The following ARF4 variants were observed in gnomAD, a reference collection of about 807,000 sequenced individuals.
ARF4 encodes the protein ARF GTPase 4.
In ARF4, 5 loss-of-function variants were observed where a neutral mutation model predicts 24.3. The ratio of observed to expected loss-of-function variants is 0.21; its 90% confidence interval spans 0.11 to 0.43. ARF4 has a LOEUF of 0.43. Ranked by LOEUF, ARF4 falls within the 20% of genes least tolerant of loss-of-function variation. ARF4 has a pLI of 1.00. For synonymous variants in ARF4, 62 were observed against 73.5 expected (o/e 0.84, Z 0.80); for missense variants, 107 against 213.0 (o/e 0.50, Z 3.10).
At chr3:57,587,237 T>G (rs2070049497) in intron 1 of ARF4, among the ~76,000 whole-genome samples, 1 of 149,558 alleles carries the variant, frequency 6.7e-6, no homozygotes, top group Non-Finnish European at 1.5e-5. Context: ...GAGACTCGCT[T>G]GAACCCAGGA....
chr3:57,582,992 T>G (rs1034731687), intron 3 of ARF4, among the ~76,000 whole-genome samples: 3 of 152,182 alleles, frequency 2.0e-5, no homozygotes, highest in Non-Finnish European at 2.9e-5. Flanking sequence ...GGCTGCTACT[T>G]GAGGGCAGCT....
At chr3:57,588,799 A>T (rs968862432) in intron 1 of ARF4, among the ~76,000 whole-genome samples, 2 of 146,754 alleles carry the variant, frequency 1.4e-5, no homozygotes, top group Non-Finnish European at 3.0e-5. Context: ...ACTACAAAAA[A>T]TACAAAAATT....
chr3:57,596,880 G>A lies in ARF4; in HGVS notation c.67+194C>T. The A allele has an allele frequency of 5.0e-6, 3 of 596,248 alleles. No individual in the cohort carries two copies. In the South Asian group the frequency reaches 6.0e-5, roughly 12 times the overall value. The allele number at this position is 596,248 out of a possible 1,614,324, so 36.9% of individuals were successfully genotyped here. ...CCGAAGCCCTGTCCCTGTCTCGTCTGGCGACAGATCGGGGGCGGGGGGGAT... is the reference window on the plus strand; with the variant it reads ...CCGAAGCCCTGTCCCTGTCTCGTCTAGCGACAGATCGGGGGCGGGGGGGAT... On this transcript the variant is annotated intron_variant, in intron 1 of 5. Coordinates refer to ENST00000303436, the MANE Select transcript of ARF4 (RefSeq NM_001660.4).
chr3:57,596,281 G>A (rs2070181348), intron 1 of ARF4, among the ~76,000 whole-genome samples: 1 of 152,166 alleles, frequency 6.6e-6, no homozygotes, highest in South Asian at 2.1e-4. Context: ...TCAGTTACTT[G>A]AAAATTTATC....
At chr3:57,584,081 TAGA>T in intron 2 of ARF4, 74 bp from the exon 3 acceptor site, 1 of 1,047,884 alleles carries the variant, frequency 9.5e-7, no homozygotes, top group Non-Finnish European at 1.4e-6. Flanking sequence ...GGAATTTTCT[TAGA>T]ATAGTGTTTT....
chr3:57,596,902 G>GC, intron 1 of ARF4, 172 bp downstream of exon 1: 2 of 641,500 alleles, frequency 3.1e-6, no homozygotes. Flanking sequence ...GGGGCGGGGG[G>GC]GATCGCTCAC....
At chr3:57,586,925 A>G (rs2070044692) in intron 1 of ARF4, among the ~76,000 whole-genome samples, 2 of 152,122 alleles carry the variant, frequency 1.3e-5, no homozygotes, top group African/African-American at 4.8e-5. Flanking sequence ...ATTGAAACTG[A>G]GACGCTGATT....
At chr3:57,594,261 C>T (rs552541840) in intron 1 of ARF4, among the ~76,000 whole-genome samples, 2 of 152,186 alleles carry the variant, frequency 1.3e-5, no homozygotes, top group African/African-American at 4.8e-5. Context: ...GACGCTATTG[C>T]TTTATTTTTA....
At chr3:57,581,108 T>C (rs1353345043) in intron 3 of ARF4, among the ~76,000 whole-genome samples, 1 of 152,232 alleles carries the variant, frequency 6.6e-6, no homozygotes, top group Non-Finnish European at 1.5e-5. Context: ...TTATTTACAA[T>C]GGCAAATTAG....
chr3:57,577,705 C>T (rs1305410069), intron 3 of ARF4, among the ~76,000 whole-genome samples: 1 of 152,016 alleles, frequency 6.6e-6, no homozygotes, highest in African/African-American at 2.4e-5. Context: ...AAAATAGCCA[C>T]AAAGTAGGAA....
At chr3:57,589,474 C>T (rs564803972) in intron 1 of ARF4, among the ~76,000 whole-genome samples, 1 of 152,276 alleles carries the variant, frequency 6.6e-6, no homozygotes, top group East Asian at 1.9e-4. Context: ...AATCCCAGCA[C>T]TTTGGGAGGC....
intron 1 of ARF4, among the ~76,000 whole-genome samples, chr3:57,592,966 A>T (rs1469638633): frequency 6.6e-6 from 1 of 152,148 alleles, no homozygotes; most frequent in East Asian, 1.9e-4. Context: ...GCACTTTGGG[A>T]GGTCGAGGCA....
chr3:57,579,253 C>CAA lies in ARF4; in HGVS notation c.259-1868_259-1867dup, dbSNP rs764058520. ...TGGGCGACAAGAGCAAACTACATCT[C>CAA]AAAAAAAAAAAAAAAAAAAAGGAAC... On this transcript the variant is annotated intron_variant, in intron 3 of 5. Coordinates refer to ENST00000303436, the MANE Select transcript of ARF4 (RefSeq NM_001660.4). 1.1e-4 allele frequency among the ~76,000 whole-genome samples: 5 copies of CAA among 47,600 alleles called. 1 individual carries two copies. Among genetic ancestry groups the CAA allele is most frequent in the African/African-American group, 2.6e-4 (3 of 11,472 alleles). 31.2% of individuals were successfully genotyped at this position (47,600 alleles called of 152,430 possible). A position where few individuals can be genotyped will look rare whatever the true frequency, so the allele number is the denominator to read the frequency against.
chr3:57,591,487 GAC>G (rs573676575), intron 1 of ARF4, among the ~76,000 whole-genome samples: 13 of 141,626 alleles, frequency 9.2e-5, no homozygotes, highest in Non-Finnish European at 1.8e-4. Flanking sequence ...TTTTTTTTGA[GAC>G]AGAGTCTCAC....
intron 3 of ARF4, among the ~76,000 whole-genome samples, chr3:57,583,524 CTG>C (rs952602924): frequency 6.6e-6 from 1 of 152,104 alleles, no homozygotes; most frequent in African/African-American, 2.4e-5. Flanking sequence ...AAACAAGTAA[CTG>C]GGCTAAACAA....
intron 5 of ARF4, 59 bp downstream of exon 5, chr3:57,575,489 A>T: frequency 6.7e-7 from 1 of 1,488,998 alleles, no homozygotes; most frequent in Non-Finnish European, 9.0e-7. Context: ...ATTAGCTTAC[A>T]CAACTATCCT....
At chr3:57,584,061 C>A (rs915370671) in intron 2 of ARF4, 54 bp from the exon 3 acceptor site, 3 of 1,224,622 alleles carry the variant, frequency 2.4e-6, no homozygotes, top group Non-Finnish European at 3.5e-6. Flanking sequence ...AAAATAAAAC[C>A]TTTTATTGTG....
At chr3:57,591,491 G>T (rs1307585628) in intron 1 of ARF4, among the ~76,000 whole-genome samples, 1 of 145,710 alleles carries the variant, frequency 6.9e-6, no homozygotes, top group African/African-American at 2.5e-5. Flanking sequence ...TTTTGAGACA[G>T]AGTCTCACTC....
chr3:57,573,110 G>A (rs763751992), intron 5 of ARF4, among the ~76,000 whole-genome samples: 2 of 150,854 alleles, frequency 1.3e-5, no homozygotes, highest in Non-Finnish European at 3.0e-5. Flanking sequence ...GCTGAGGCAG[G>A]AGAATGGCAT....
Sources: gnomAD v4.1 joint callset for allele counts (sites outside exome capture counted in the v4.1 genomes callset) on GRCh38, gnomAD v4.1.1 for gene constraint, MANE v1.5 for transcripts, NCBI Gene and HGNC (gene_info 2026-07-23, HGNC 2026-07-21) for gene names.